KIRREL3: variants seen among roughly 807,000 people sequenced by gnomAD.
The protein encoded by KIRREL3 is kin of IRRE-like protein 3.
KIRREL3 carries 36 observed loss-of-function variants against 89.7 expected under a neutral mutation model. The ratio of observed to expected loss-of-function variants is 0.40; its 90% CI spans 0.31 to 0.53. The LOEUF is 0.53. Among genes scored for constraint, KIRREL3 ranks in the 20% least tolerant of loss-of-function variants. The probability of loss-of-function intolerance (pLI) is 0.49; values close to 1 mark genes in which losing one functional copy is unlikely to be tolerated. For synonymous variants in KIRREL3, 445 were observed against 441.4 expected, an observed-to-expected ratio of 1.01 and a Z score of -0.10; for missense variants, 864 against 1,056.6, an observed-to-expected ratio of 0.82 and a Z score of 2.53.
rs550857579 is a variant in KIRREL3 at position 126,515,013 on chromosome 11, G to A, written c.433+6302C>T. ...GGAACATTTACTGAACACCCAGTAT[G>A]TGATTCTAGGCTGTGCTAGGCATGA... On this transcript the variant is annotated intron_variant, in intron 4 of 16. Transcript: ENST00000525144. The surrounding 1 kb of genome is among the most constrained non-coding windows in gnomAD (Gnocchi z 4.2). 1.3e-5 allele frequency among the ~76,000 whole-genome samples: 2 copies of A among 152,330 alleles called. No individual in the cohort carries two copies. The highest frequency in any genetic ancestry group is 3.9e-4 in the East Asian group (2 of 5,192).
intron 1 of KIRREL3, among the ~76,000 whole-genome samples, chr11:126,781,917 T>G (rs1447943282): frequency 6.6e-6 from 1 of 152,220 alleles, no homozygotes; most frequent in African/African-American, 2.4e-5. Flanking sequence ...CCCTAAACCT[T>G]CTTTTCCCTG....
rs151005534 is a variant in KIRREL3, at chr11:126,719,181, T to C, written c.56-156269A>G. ...CCGACACTCGGTAACCCACTTATTC[T>C]GGTTTTGTCTCAAATCTAAAAATAC... On this transcript the variant is annotated intron_variant, in intron 1 of 16. Coordinates refer to ENST00000525144, the MANE Select transcript of KIRREL3 (RefSeq NM_032531.4). The surrounding 1 kb of genome is among the most constrained non-coding windows in gnomAD (Gnocchi z 4.7). Among the ~76,000 whole-genome samples, 1,801 of 152,302 alleles carry C rather than the reference T, an allele frequency of 0.012. 38 individuals are homozygous for C. The highest frequency in any genetic ancestry group is 0.04 in the African/African-American group (1,680 of 41,554).
At chr11:126,442,921 G>A (rs1288024270) in intron 10 of KIRREL3, among the ~76,000 whole-genome samples, 1 of 152,228 alleles carries the variant, frequency 6.6e-6, no homozygotes, top group Non-Finnish European at 1.5e-5. Flanking sequence ...GGAGGCAGAG[G>A]AGGGGAGAGA....
intron 4 of KIRREL3, among the ~76,000 whole-genome samples, chr11:126,511,585 C>T (rs1958224365): frequency 6.6e-6 from 1 of 152,182 alleles, no homozygotes; most frequent in Non-Finnish European, 1.5e-5. Flanking sequence ...TCCTATCCTG[C>T]CCCGAAACAG....
At chr11:126,848,174 A>G (rs1264323084) in intron 1 of KIRREL3, among the ~76,000 whole-genome samples, 6 of 152,200 alleles carry the variant, frequency 3.9e-5, no homozygotes, top group African/African-American at 1.4e-4. Flanking sequence ...GTACAAACCC[A>G]CCGCAGGGCT....
rs1949967479 is a variant in KIRREL3, at chr11:126,989,670, G to A, written c.55+10785C>T. On this transcript the variant is annotated intron_variant, in intron 1 of 16. Coordinates refer to ENST00000525144, the MANE Select transcript of KIRREL3 (RefSeq NM_032531.4). This position sits in a 1 kb window ranked among gnomAD's most constrained non-coding sequence, Gnocchi z 6.2. ...TATCAAGTGGCAAAAAAGGTGAGCCGCCATCCCCTTGGAGGTAAAGAAAGG... is the reference window on the plus strand; with the variant it reads ...TATCAAGTGGCAAAAAAGGTGAGCCACCATCCCCTTGGAGGTAAAGAAAGG... 6.6e-6 allele frequency among the ~76,000 whole-genome samples: 1 copy of A among 152,110 alleles called. No individual in the cohort carries two copies. Among genetic ancestry groups the A allele is most frequent in the Non-Finnish European group, 1.5e-5 (1 of 68,012 alleles).
At chr11:126,644,185 G>GA (rs1346938401) in intron 1 of KIRREL3, among the ~76,000 whole-genome samples, 10 of 152,206 alleles carry the variant, frequency 6.6e-5, no homozygotes, top group Non-Finnish European at 1.3e-4. Flanking sequence ...TAGATCCAGT[G>GA]TATAGTGGGC....
chr11:126,619,543 G>C (rs928355070), intron 1 of KIRREL3, among the ~76,000 whole-genome samples: 1 of 152,238 alleles, frequency 6.6e-6, no homozygotes, highest in African/African-American at 2.4e-5. Context: ...TGGAAGGACT[G>C]TTCTCTCTTC....
At chr11:126,649,873 C>G (rs770252555) in intron 1 of KIRREL3, among the ~76,000 whole-genome samples, 17 of 152,246 alleles carry the variant, frequency 1.1e-4, no homozygotes, top group Non-Finnish European at 1.8e-4. Context: ...TTCTGCACTG[C>G]TTTAGCAGAA....
chr11:126,928,558 G>T (rs973253163), intron 1 of KIRREL3, among the ~76,000 whole-genome samples: 3 of 152,170 alleles, frequency 2.0e-5, no homozygotes, highest in Non-Finnish European at 4.4e-5. Context: ...CTGAAGCCTG[G>T]GACCCCGACG....
At chr11:126,650,034 G>A (rs1249763010) in intron 1 of KIRREL3, among the ~76,000 whole-genome samples, 1 of 152,256 alleles carries the variant, frequency 6.6e-6, no homozygotes, top group Admixed American at 6.5e-5. Flanking sequence ...AAGCTGCCAA[G>A]GCTTGGGGCT....
At chr11:126,586,703 G>C (rs1485021830) in intron 1 of KIRREL3, among the ~76,000 whole-genome samples, 1 of 152,062 alleles carries the variant, frequency 6.6e-6, no homozygotes, top group Non-Finnish European at 1.5e-5. Context: ...TGGCCTGTGA[G>C]GACTTGGGTG....
At chr11:126,770,585 G>A (rs749878357) in intron 1 of KIRREL3, among the ~76,000 whole-genome samples, 30 of 152,160 alleles carry the variant, frequency 2.0e-4, no homozygotes, top group Non-Finnish European at 2.2e-4. Flanking sequence ...AAGTAATTAC[G>A]GAGGCGGCCT....
intron 1 of KIRREL3, among the ~76,000 whole-genome samples, chr11:126,604,653 G>T (rs1231709656): frequency 6.6e-6 from 1 of 152,192 alleles, no homozygotes; most frequent in East Asian, 1.9e-4. Context: ...GGGTGGGTGG[G>T]TGTTCACAGC....
intron 1 of KIRREL3, among the ~76,000 whole-genome samples, chr11:126,777,099 A>T (rs1418714025): frequency 6.6e-6 from 1 of 152,174 alleles, no homozygotes; most frequent in Non-Finnish European, 1.5e-5. Flanking sequence ...AGGGCCACCA[A>T]ACTGGACCCA....
At chr11:126,573,062 T>C (rs1205664624) in intron 1 of KIRREL3, among the ~76,000 whole-genome samples, 1 of 151,014 alleles carries the variant, frequency 6.6e-6, no homozygotes, top group Non-Finnish European at 1.5e-5. Flanking sequence ...TTTTTAGGGG[T>C]GGAGATGTGT....
intron 1 of KIRREL3, among the ~76,000 whole-genome samples, chr11:126,957,900 G>A (rs1202609234): frequency 6.6e-6 from 1 of 152,174 alleles, no homozygotes; most frequent in African/African-American, 2.4e-5. Context: ...CTGTAAAATG[G>A]TCAGGGTGCC....
At chr11:126,518,782 C>A (rs964677173) in intron 4 of KIRREL3, among the ~76,000 whole-genome samples, 4 of 152,258 alleles carry the variant, frequency 2.6e-5, no homozygotes, top group African/African-American at 9.6e-5. Flanking sequence ...AGCTGCTGCA[C>A]TGGGGGCCTC....
chr11:126,907,822 C>T (rs1946647425), intron 1 of KIRREL3, among the ~76,000 whole-genome samples: 1 of 152,118 alleles, frequency 6.6e-6, no homozygotes, highest in Non-Finnish European at 1.5e-5. Context: ...TTTGCCCCAA[C>T]CACACTGAAC....
Sources: allele counts gnomAD v4.1 joint callset (sites outside exome capture counted in the v4.1 genomes callset), GRCh38; gene constraint gnomAD v4.1.1; non-coding constraint Gnocchi (gnomAD v3.1); transcripts MANE v1.5; gene names NCBI Gene and HGNC (gene_info 2026-07-23, HGNC 2026-07-21).